Variants in GATA4 observed in about 807,000 individuals in gnomAD.
GATA4 encodes the protein GATA binding protein 4, also known as transcription factor GATA-4.
GATA4 carries 7 observed loss-of-function variants against 37.9 expected under a neutral mutation model. That is an observed-to-expected ratio of 0.18 (90% CI 0.11 to 0.35). The LOEUF (loss-of-function observed/expected upper bound fraction) is 0.35. Ranked by LOEUF, GATA4 falls within the 10% of genes least tolerant of loss-of-function variation. The pLI is 1.00. For missense variants in GATA4, 647 were observed against 653.0 expected, an observed-to-expected ratio of 0.99 and a Z score of 0.10; for synonymous variants, 372 against 292.6, an observed-to-expected ratio of 1.27 and a Z score of -2.77.
intron 1 of GATA4, among the ~76,000 whole-genome samples, chr8:11,694,751 A>G (rs1585567809): frequency 6.6e-6 from 1 of 152,214 alleles, no homozygotes; most frequent in Middle Eastern, 3.4e-3. Context: ...CTTAACATCC[A>G]TTTTTCTTCC....
chr8:11,679,181 G>T (rs974867877), intron 1 of GATA4, among the ~76,000 whole-genome samples: 4 of 149,436 alleles, frequency 2.7e-5, no homozygotes, highest in African/African-American at 7.3e-5. Context: ...AATAATTGCG[G>T]GGGGGGGCAC....
At chr8:11,750,610 G>T (rs1802253610) in intron 4 of GATA4, among the ~76,000 whole-genome samples, 1 of 151,968 alleles carries the variant, frequency 6.6e-6, no homozygotes, top group African/African-American at 2.4e-5. Context: ...GTGAATTAAG[G>T]ATATTACATG....
intron 2 of GATA4, among the ~76,000 whole-genome samples, chr8:11,740,603 A>C (rs1801684629): frequency 1.3e-5 from 2 of 152,232 alleles, no homozygotes; most frequent in African/African-American, 4.8e-5. Flanking sequence ...CCTGAGGGTG[A>C]CAGCTGGCAA....
At chr8:11,714,665 C>T (rs1000648121) in intron 2 of GATA4, among the ~76,000 whole-genome samples, 2 of 152,120 alleles carry the variant, frequency 1.3e-5, no homozygotes, top group African/African-American at 4.8e-5. Context: ...TGTCACTTGC[C>T]CAGTTGTGTC....
intron 2 of GATA4, among the ~76,000 whole-genome samples, chr8:11,726,325 A>C (rs1800921881): frequency 6.6e-6 from 1 of 152,212 alleles, no homozygotes. Context: ...GAGAGACGCC[A>C]GGGAGACTGA....
chr8:11,740,361 A>C (rs1326195471), intron 2 of GATA4, among the ~76,000 whole-genome samples: 1 of 152,218 alleles, frequency 6.6e-6, no homozygotes, highest in Non-Finnish European at 1.5e-5. Flanking sequence ...AATTAGTAAT[A>C]TGCCCCCTCC....
At chr8:11,756,729 G>T in intron 5 of GATA4, 2 of 639,124 alleles carry the variant, frequency 3.1e-6, no homozygotes, top group South Asian at 1.8e-5. Flanking sequence ...TGAAACACAC[G>T]TGGCCTCAAG....
chr8:11,740,922 C>G (rs1479340517), intron 2 of GATA4, among the ~76,000 whole-genome samples: 3 of 152,036 alleles, frequency 2.0e-5, no homozygotes, highest in East Asian at 1.9e-4. Flanking sequence ...TTAGTAGAGA[C>G]AGGCTTTCAC....
chr8:11,751,162 G>A (rs1297990059), intron 4 of GATA4, among the ~76,000 whole-genome samples: 2 of 152,156 alleles, frequency 1.3e-5, no homozygotes. Flanking sequence ...CCTAGGGAAA[G>A]TAAAGACCAA....
intron 1 of GATA4, chr8:11,693,094 T>C: frequency 1.0e-6 from 1 of 980,236 alleles, no homozygotes; most frequent in South Asian, 4.7e-5. Flanking sequence ...ATACATGGCT[T>C]TATTCCACTT....
chr8:11,713,811 A>G (rs962593261), intron 2 of GATA4, among the ~76,000 whole-genome samples: 3 of 152,178 alleles, frequency 2.0e-5, no homozygotes, highest in African/African-American at 7.2e-5. Flanking sequence ...CTTGTGGTGG[A>G]GCTCTGCGGA....
intron 1 of GATA4, among the ~76,000 whole-genome samples, chr8:11,679,987 A>G (rs1348096473): frequency 6.6e-6 from 1 of 152,224 alleles, no homozygotes; most frequent in Non-Finnish European, 1.5e-5. Context: ...CATGATGAGA[A>G]GAAAGAAAGA....
intron 1 of GATA4, among the ~76,000 whole-genome samples, chr8:11,704,857 C>T (rs1355514807): frequency 6.6e-6 from 1 of 152,252 alleles, no homozygotes; most frequent in Admixed American, 6.5e-5. Flanking sequence ...CCCTTTCTGG[C>T]CGGCCTCCTC....
Position 11,749,208 on chromosome 8 carries a change from GC to G in GATA4, c.786+127del. On this transcript the variant is annotated intron_variant, in intron 3 of 6. Coordinates refer to ENST00000532059, the MANE Select transcript of GATA4 (RefSeq NM_001308093.3). This position sits in a 1 kb window ranked among gnomAD's most constrained non-coding sequence, Gnocchi z 4.6. ...TGCATCGGGGATTACGTGGGTGAGA[GC>G]CCCATAATAATTCTCACAACTTTAG... 1 of 926,310 alleles carries G rather than the reference GC, an allele frequency of 1.1e-6. No individual in the cohort carries two copies. The highest frequency in any genetic ancestry group is 1.7e-6 in the Non-Finnish European group (1 of 596,422). 57.4% of individuals were successfully genotyped at this position (926,310 alleles called of 1,614,324 possible). A position where few individuals can be genotyped will look rare whatever the true frequency, so the allele number is the denominator to read the frequency against.
intron 2 of GATA4, among the ~76,000 whole-genome samples, chr8:11,745,956 C>G (rs986818731): frequency 2.6e-5 from 4 of 152,152 alleles, no homozygotes; most frequent in Non-Finnish European, 5.9e-5. Context: ...ATTCTGTCCC[C>G]TTCTGAATAT....
intron 1 of GATA4, chr8:11,694,699 A>G: frequency 5.3e-6 from 1 of 189,054 alleles, no homozygotes; most frequent in Non-Finnish European, 9.8e-6. Context: ...TTCAAATTCA[A>G]ATGACGAAAT....
chr8:11,720,765 A>G (rs1026519067), intron 2 of GATA4, among the ~76,000 whole-genome samples: 6 of 151,200 alleles, frequency 4.0e-5, no homozygotes, highest in African/African-American at 1.5e-4. Context: ...TGTTCCCTCA[A>G]GAGACCTGAT....
In GATA4 at chr8:11,708,838, G is replaced by A; in HGVS notation, c.526G>A (p.Ala176Thr). The A allele has an allele frequency of 1.3e-6, 2 of 1,490,742 alleles. No homozygotes were observed. The highest frequency in any genetic ancestry group is 2.8e-5 in the East Asian group (1 of 36,172). The allele number at this position is 1,490,742 out of a possible 1,614,324, so 92.3% of individuals were successfully genotyped here. Residue 176 changes from alanine to threonine, a missense_variant, in exon 2 of 7, where the codon GCC (alanine) becomes ACC (threonine). Around this residue, in one of 5 missense-constraint regions of GATA4, gnomAD observed 379 missense variants for 334.5 expected, o/e 1.13. Coordinates refer to ENST00000532059, the MANE Select transcript of GATA4 (RefSeq NM_001308093.3). This position sits in a 1 kb window ranked among gnomAD's most constrained non-coding sequence, Gnocchi z 6.7. Reference sequence around the variant, plus strand: ...CGACGTGGGCGCGTCCTGGGCCGCAGCCGCCGCCGCCTCCGCCGGCCCCTT... The same window carrying A: ...CGACGTGGGCGCGTCCTGGGCCGCAACCGCCGCCGCCTCCGCCGGCCCCTT... ...MADVGASWAA[A>T]AAASAGPFDS... is the part of the protein sequence containing the mutation.
At chr8:11,693,562 CAGAG>C (rs139631153) in intron 1 of GATA4, among the ~76,000 whole-genome samples, 2,308 of 71,874 alleles carry the variant, frequency 0.032, 26 homozygotes, top group South Asian at 0.061. Flanking sequence ...CACACACACA[CAGAG>C]AGAGAGAGAG....
Sources: gnomAD v4.1 joint callset for allele counts (sites outside exome capture counted in the v4.1 genomes callset) on GRCh38, gnomAD v4.1.1 for gene constraint, gnomAD v4.1.1 regional missense constraint, Gnocchi (gnomAD v3.1) non-coding constraint, MANE v1.5 for transcripts, NCBI Gene and HGNC (gene_info 2026-07-23, HGNC 2026-07-21) for gene names.